Variants in TBC1D16 observed in about 807,000 individuals in gnomAD.
The protein encoded by TBC1D16 is CTD-2529O21.1.
Under a neutral mutation model 74.7 loss-of-function variants are expected in TBC1D16, and 58 were observed. That is an observed-to-expected ratio of 0.78 (90% confidence interval 0.63 to 0.97). The LOEUF (loss-of-function observed/expected upper bound fraction) is 0.97. Among genes scored for constraint, TBC1D16 ranks in the 50% least tolerant of loss-of-function variants. The pLI is 0.00. For synonymous variants in TBC1D16, 493 were observed against 474.7 expected, an observed-to-expected ratio of 1.04 and a Z score of -0.50; for missense variants, 1,014 against 1,079.5, an observed-to-expected ratio of 0.94 and a Z score of 0.85.
At chr17:79,949,061 T>C in intron 7 of TBC1D16, 55 bp from the exon 8 acceptor site, 1 of 1,609,854 alleles carries the variant, frequency 6.2e-7, no homozygotes, top group South Asian at 1.1e-5. Flanking sequence ...AGAGGCATCG[T>C]GTGGCGCACA....
chr17:79,950,839 C>A lies in TBC1D16; in HGVS notation c.1090-261G>T. Reference sequence around the variant, plus strand: ...CGCCCCCCACTCTCTCCAACCCCAGCCGCAAAAACGGAATGAATGCCTCGT... The same window carrying A: ...CGCCCCCCACTCTCTCCAACCCCAGACGCAAAAACGGAATGAATGCCTCGT... On this transcript the variant is annotated intron_variant, in intron 5 of 11. Coordinates refer to ENST00000310924, the MANE Select transcript of TBC1D16 (RefSeq NM_019020.4). This position sits in a 1 kb window ranked among gnomAD's most constrained non-coding sequence, Gnocchi z 4.6. 6.6e-7 allele frequency: 1 copy of A among 1,526,212 alleles called. No individual in the cohort carries two copies. Among genetic ancestry groups the A allele is most frequent in the Non-Finnish European group, 8.8e-7 (1 of 1,141,052 alleles). 94.5% of individuals were successfully genotyped at this position (1,526,212 alleles called of 1,614,324 possible).
intron 3 of TBC1D16, among the ~76,000 whole-genome samples, chr17:79,972,397 G>A (rs977673080): frequency 5.3e-5 from 8 of 152,086 alleles, no homozygotes; most frequent in African/African-American, 9.6e-5. Flanking sequence ...CGCTGGTCTC[G>A]AACTCCTGAC....
chr17:80,017,598 T>C (rs1413664776), intron 1 of TBC1D16, among the ~76,000 whole-genome samples: 1 of 148,726 alleles, frequency 6.7e-6, no homozygotes, highest in Non-Finnish European at 1.5e-5. Flanking sequence ...GGAGAATCGC[T>C]TGAACCCAGG....
In TBC1D16 at chr17:79,940,167, C is replaced by G. The variant is rs1006198184; in HGVS notation, c.*692G>C. Reference sequence around the variant, plus strand: ...AGGCTCCTGGGCAGACAGTTCCCTTCGTGTACCAGGAGGACGAAATGTTTA... The same window carrying G: ...AGGCTCCTGGGCAGACAGTTCCCTTGGTGTACCAGGAGGACGAAATGTTTA... On this transcript the variant is annotated 3_prime_UTR_variant, in exon 12 of 12. Transcript: ENST00000310924. The surrounding 1 kb of genome is among the most constrained non-coding windows in gnomAD (Gnocchi z 5.4). 3.9e-5 allele frequency: 6 copies of G among 152,178 alleles called. No homozygotes were observed. Among genetic ancestry groups the G allele is most frequent in the African/African-American group, 1.4e-4 (6 of 41,440 alleles). 9.4% of individuals were successfully genotyped at this position (152,178 alleles called of 1,614,324 possible). A position where few individuals can be genotyped will look rare whatever the true frequency, so the allele number is the denominator to read the frequency against.
rs546582882 is a variant in TBC1D16 at position 80,008,021 on chromosome 17, TAAA to T, written c.779+2136_779+2138del. ...AATACATCCCCACCCTCAGTTGTGA[TAAA>T]AAAAAAAAAAAAGTGTCTCCTGGCA... On this transcript the variant is annotated intron_variant, in intron 3 of 11. Coordinates refer to ENST00000310924, the MANE Select transcript of TBC1D16 (RefSeq NM_019020.4). This position sits in a 1 kb window ranked among gnomAD's most constrained non-coding sequence, Gnocchi z 4.5. Among the ~76,000 whole-genome samples the T allele has an allele frequency of 7.8e-6, 1 of 128,006 alleles. No homozygotes were observed. The allele number at this position is 128,006 out of a possible 152,430, so 84.0% of individuals were successfully genotyped here.
In TBC1D16 at chr17:80,010,424, C is replaced by T. The variant is rs2035842577; in HGVS notation, c.515G>A (p.Gly172Asp). The change falls in exon 3 of 12, where the codon GGT becomes GAT. Residue 172 changes from glycine to aspartate, a missense_variant. By Grantham distance (94) the Gly-to-Asp change is moderately conservative (BLOSUM62 -1). Transcript: ENST00000310924. This position sits in a 1 kb window ranked among gnomAD's most constrained non-coding sequence, Gnocchi z 8.8. ...AGCAGGCTGCGAGGCTGGCTGGGCACCATCCACCCCCAAGCCCTGCGCCAG... is the reference window on the plus strand; with the variant it reads ...AGCAGGCTGCGAGGCTGGCTGGGCATCATCCACCCCCAAGCCCTGCGCCAG... ...EKLAQGLGVD[G>D]AQPASQPACS... The T allele has an allele frequency of 6.2e-7, 1 of 1,610,338 alleles. No individual in the cohort carries two copies. The highest frequency in any genetic ancestry group is 2.2e-5 in the East Asian group (1 of 44,750).
At position 80,009,297 on chromosome 17, in the gene TBC1D16, G is replaced by A. The variant is rs557821825; in HGVS notation, c.779+863C>T. On this transcript the variant is annotated intron_variant, in intron 3 of 11. Coordinates refer to ENST00000310924, the MANE Select transcript of TBC1D16 (RefSeq NM_019020.4). The surrounding 1 kb of genome is among the most constrained non-coding windows in gnomAD (Gnocchi z 5.4). ...TCTAATGAGCGTAAGGACCACAGCC[G>A]GGGCATAGGAAGGGGCTGTGGAAGT... Among the ~76,000 whole-genome samples the A allele has an allele frequency of 1.1e-4, 17 of 152,350 alleles. No homozygotes were observed. The highest frequency in any genetic ancestry group is 1.0e-3 in the Admixed American group (16 of 15,306).
Position 79,987,728 on chromosome 17 carries a change from G to A in TBC1D16, c.779+22432C>T, listed in dbSNP as rs1027180669. ...GGCAGAACCCTGGGTGCTGCAGGGA[G>A]CTGGTTCTCAGGGAAAAGGGAATTA... On this transcript the variant is annotated intron_variant, in intron 3 of 11. Transcript: ENST00000310924. The surrounding 1 kb of genome is among the most constrained non-coding windows in gnomAD (Gnocchi z 5.2). Among the ~76,000 whole-genome samples the A allele has an allele frequency of 2.6e-5, 4 of 152,174 alleles. No homozygotes were observed. The highest frequency in any genetic ancestry group is 9.7e-5 in the African/African-American group (4 of 41,430).
intron 3 of TBC1D16, chr17:79,953,038 C>T (rs985083084): frequency 1.1e-5 from 5 of 437,050 alleles, no homozygotes; most frequent in African/African-American, 1.0e-4. Flanking sequence ...TTTTCATGAT[C>T]AAATTCCATT....
rs894582401 is a variant in TBC1D16, at chr17:79,932,866, T to C, written c.*7993A>G. On this transcript the variant is annotated 3_prime_UTR_variant, in exon 12 of 12. Coordinates refer to ENST00000310924, the MANE Select transcript of TBC1D16 (RefSeq NM_019020.4). The stretch of plus-strand genomic sequence containing the variant: ...ACATCCAGATGTCAATTCAGAAAAT[T>C]ATTATATCATTCTAATGACTCAAAA... The C allele has an allele frequency of 6.6e-6, 1 of 152,224 alleles. No individual in the cohort carries two copies. The highest frequency in any genetic ancestry group is 1.5e-5 in the Non-Finnish European group (1 of 68,054). 9.4% of individuals were successfully genotyped at this position (152,224 alleles called of 1,614,324 possible).
intron 1 of TBC1D16, among the ~76,000 whole-genome samples, chr17:80,033,814 T>G (rs11657363): frequency 0.31 from 46,472 of 152,156 alleles, 7,936 homozygotes; most frequent in African/African-American, 0.47. Context: ...ATGCTTTCCA[T>G]ACTGAAGTGA....
chr17:79,944,107 C>A lies in TBC1D16; in HGVS notation c.1908+801G>T, dbSNP rs760917585. On this transcript the variant is annotated intron_variant, in intron 10 of 11. Coordinates refer to ENST00000310924, the MANE Select transcript of TBC1D16 (RefSeq NM_019020.4). The surrounding 1 kb of genome is among the most constrained non-coding windows in gnomAD (Gnocchi z 7.7). ...ACTCGCTTTCATCAGACATCAGCCCCCTGCGGTGTGAGTGAGGACAGGAGA... is the reference window on the plus strand; with the variant it reads ...ACTCGCTTTCATCAGACATCAGCCCACTGCGGTGTGAGTGAGGACAGGAGA... 1 of 1,536,044 alleles carries A rather than the reference C, an allele frequency of 6.5e-7. No individual in the cohort carries two copies. The highest frequency in any genetic ancestry group is 8.7e-7 in the Non-Finnish European group (1 of 1,146,876).
Position 79,950,880 on chromosome 17 carries a change from T to A in TBC1D16, c.1090-302A>T, listed in dbSNP as rs1212795244. On this transcript the variant is annotated intron_variant, in intron 5 of 11. Coordinates refer to ENST00000310924, the MANE Select transcript of TBC1D16 (RefSeq NM_019020.4). This position sits in a 1 kb window ranked among gnomAD's most constrained non-coding sequence, Gnocchi z 4.6. ...AATGCCTCGTTCGGCCTAACTTCCC[T>A]CTGCCGGGAGGGCCTGCAATGAATT... The A allele has an allele frequency of 2.7e-6, 4 of 1,502,454 alleles. No homozygotes were observed. The highest frequency in any genetic ancestry group is 2.1e-5 in the Admixed American group (1 of 48,360). 93.1% of individuals were successfully genotyped at this position (1,502,454 alleles called of 1,614,324 possible).
chr17:79,944,123 G>A lies in TBC1D16; in HGVS notation c.1908+785C>T. ...CATCAGCCCCCTGCGGTGTGAGTGAGGACAGGAGACGCTGACGCAAATGTC... is the reference window on the plus strand; with the variant it reads ...CATCAGCCCCCTGCGGTGTGAGTGAAGACAGGAGACGCTGACGCAAATGTC... On this transcript the variant is annotated intron_variant, in intron 10 of 11. Coordinates refer to ENST00000310924, the MANE Select transcript of TBC1D16 (RefSeq NM_019020.4). The surrounding 1 kb of genome is among the most constrained non-coding windows in gnomAD (Gnocchi z 7.7). The A allele has an allele frequency of 6.5e-7, 1 of 1,536,042 alleles. No homozygotes were observed. The highest frequency in any genetic ancestry group is 8.7e-7 in the Non-Finnish European group (1 of 1,146,868).
chr17:80,004,930 C>T (rs1398593974), intron 3 of TBC1D16, among the ~76,000 whole-genome samples: 1 of 152,260 alleles, frequency 6.6e-6, no homozygotes, highest in Non-Finnish European at 1.5e-5. Flanking sequence ...CCACCTTAGC[C>T]TCCCAAAGCG....
In TBC1D16 at chr17:79,945,130, G is replaced by A. The variant is rs978275763; in HGVS notation, c.1729-43C>T. 7 of 1,510,582 alleles carry A rather than the reference G, an allele frequency of 4.6e-6. No homozygotes were observed. In the African/African-American group the frequency reaches 9.6e-5, roughly 21 times the overall value. 93.6% of individuals were successfully genotyped at this position (1,510,582 alleles called of 1,614,324 possible). ...ACGCGTTAGTTAGCTCCGGTCCCAT[G>A]CGGCCTGCTGCCCAGGAAGCCCACT... On this transcript the variant is annotated intron_variant, in intron 9 of 11. Transcript: ENST00000310924.
chr17:80,034,904 G>C (rs995830299), intron 1 of TBC1D16, among the ~76,000 whole-genome samples: 1 of 152,116 alleles, frequency 6.6e-6, no homozygotes, highest in Non-Finnish European at 1.5e-5. Flanking sequence ...AAAGAATTAG[G>C]AGCCTTCTGG....
Position 79,986,442 on chromosome 17 carries a change from AGTG to A in TBC1D16, c.779+23715_779+23717del, listed in dbSNP as rs1267674172. Reference sequence around the variant, plus strand: ...CTCAGTGCAGTATCGTCAGCGTTGCAGTGGTGGGTAAGAGGCCCCGGGATTATT... The same window carrying A: ...CTCAGTGCAGTATCGTCAGCGTTGCAGTGGGTAAGAGGCCCCGGGATTATT... On this transcript the variant is annotated intron_variant, in intron 3 of 11. Coordinates refer to ENST00000310924, the MANE Select transcript of TBC1D16 (RefSeq NM_019020.4). The surrounding 1 kb of genome is among the most constrained non-coding windows in gnomAD (Gnocchi z 6.0). Among the ~76,000 whole-genome samples, 1 of 152,218 alleles carries A rather than the reference AGTG, an allele frequency of 6.6e-6. No individual in the cohort carries two copies. Among genetic ancestry groups the A allele is most frequent in the African/African-American group, 2.4e-5 (1 of 41,460 alleles).
At chr17:79,953,802 C>T (rs1305497286) in intron 3 of TBC1D16, among the ~76,000 whole-genome samples, 2 of 150,968 alleles carry the variant, frequency 1.3e-5, no homozygotes, top group African/African-American at 4.9e-5. Flanking sequence ...GACGGAGTCT[C>T]GCTCTGTCAC....
Sources: gnomAD v4.1 joint callset for allele counts (sites outside exome capture counted in the v4.1 genomes callset) on GRCh38, gnomAD v4.1.1 for gene constraint, Gnocchi (gnomAD v3.1) non-coding constraint, MANE v1.5 for transcripts, NCBI Gene and HGNC (gene_info 2026-07-23, HGNC 2026-07-21) for gene names.